Variants in ADAM29 observed in about 807,000 individuals in gnomAD.
The protein encoded by ADAM29 is ADAM metallopeptidase domain 29, also known as disintegrin and metalloproteinase domain-containing protein 29.
For missense variants in ADAM29, 969 were observed against 1,001.8 expected (o/e 0.97, Z 0.44); for synonymous variants, 367 against 342.3 (o/e 1.07, Z -0.80).
At chr4:174,919,811 G>A (rs954943603) in intron 1 of ADAM29, among the ~76,000 whole-genome samples, 5 of 152,246 alleles carry the variant, frequency 3.3e-5, no homozygotes, top group Non-Finnish European at 4.4e-5. Flanking sequence ...CCTTTTCTGT[G>A]TTACATAATC....
intron 4 of ADAM29, among the ~76,000 whole-genome samples, chr4:174,950,337 C>T (rs1164275372): frequency 6.6e-6 from 1 of 152,164 alleles, no homozygotes; most frequent in Non-Finnish European, 1.5e-5. Context: ...GCATTCAACA[C>T]TAATCTTTTC....
rs766510344 is a variant in ADAM29 at position 174,977,686 on chromosome 4, A to T, written c.2161A>T (p.Ile721Phe). 5.0e-6 allele frequency: 8 copies of T among 1,614,154 alleles called. No homozygotes were observed. The highest frequency in any genetic ancestry group is 5.9e-6 in the Non-Finnish European group (7 of 1,180,058). Reference sequence around the variant, plus strand: ...TCCATCTGCAAAAGAAGAGGAAAAAATTCAGCGTCGACCTCATGAGTTACC... The same window carrying T: ...TCCATCTGCAAAAGAAGAGGAAAAATTTCAGCGTCGACCTCATGAGTTACC... The part of the protein sequence containing the change: ...QTPSAKEEEK[I>F]QRRPHELPPQ... Residue 721 changes from isoleucine (I) to phenylalanine (F), a missense_variant, in exon 5 of 5, where the codon ATT (isoleucine) becomes TTT (phenylalanine). By Grantham distance (21) the Ile-to-Phe change is conservative. Coordinates refer to ENST00000359240, the MANE Select transcript of ADAM29 (RefSeq NM_014269.4).
chr4:174,928,506 G>A (rs552336855), intron 2 of ADAM29, among the ~76,000 whole-genome samples: 151 of 149,002 alleles, frequency 1.0e-3, no homozygotes, highest in African/African-American at 3.4e-3. Flanking sequence ...GGAAGGGAGG[G>A]GGAACAGTCT....
At chr4:174,932,111 A>T (rs1034488555) in intron 3 of ADAM29, among the ~76,000 whole-genome samples, 4 of 152,140 alleles carry the variant, frequency 2.6e-5, no homozygotes, top group Admixed American at 2.6e-4. Flanking sequence ...TAACATGGTG[A>T]AAACCAGCTC....
chr4:174,924,785 T>C (rs939221625), intron 2 of ADAM29, among the ~76,000 whole-genome samples: 5 of 152,214 alleles, frequency 3.3e-5, no homozygotes, highest in Non-Finnish European at 7.3e-5. Flanking sequence ...AAGACTATTG[T>C]ATGTTAGGAG....
intron 4 of ADAM29, among the ~76,000 whole-genome samples, chr4:174,947,578 T>A (rs192317425): frequency 7.0e-4 from 106 of 152,362 alleles, no homozygotes; most frequent in African/African-American, 2.4e-3. Context: ...ACTATTGATT[T>A]CTATTTTTAT....
At chr4:174,942,653 C>G (rs1579033352) in intron 4 of ADAM29, among the ~76,000 whole-genome samples, 1 of 152,252 alleles carries the variant, frequency 6.6e-6, no homozygotes, top group East Asian at 1.9e-4. Context: ...CCATTTTTCC[C>G]TCCTAGGCTT....
intron 4 of ADAM29, among the ~76,000 whole-genome samples, chr4:174,973,371 A>G (rs1463830254): frequency 6.6e-6 from 1 of 152,140 alleles, no homozygotes; most frequent in Non-Finnish European, 1.5e-5. Flanking sequence ...CTCCACTGAG[A>G]GGATGTTCTG....
chr4:174,958,918 C>G (rs905601279), intron 4 of ADAM29, among the ~76,000 whole-genome samples: 5 of 151,856 alleles, frequency 3.3e-5, no homozygotes, highest in African/African-American at 7.2e-5. Flanking sequence ...ATTCTCCCTT[C>G]TGTCGCTTCT....
intron 2 of ADAM29, among the ~76,000 whole-genome samples, chr4:174,925,659 T>C (rs909587756): frequency 2.0e-5 from 3 of 152,176 alleles, no homozygotes; most frequent in African/African-American, 4.8e-5. Flanking sequence ...ATAACTCTTA[T>C]ACTTGAGCCA....
rs114632548 is a variant in ADAM29 at position 174,976,448 on chromosome 4, C to T, written c.923C>T (p.Thr308Ile). Residue 308 changes from threonine to isoleucine, a missense_variant, in exon 5 of 5, where the codon ACA (threonine) becomes ATA (isoleucine). Transcript: ENST00000359240. ...ATAGGAGCTTTTAGAGGAATGTGTA[C>T]ACCACACCGTAGTTGTGCAATTGTT... ...SGIGAFRGMC[T>I]PHRSCAIVTF... 3.1e-4 allele frequency: 492 copies of T among 1,607,280 alleles called. 1 individual carries two copies. Among genetic ancestry groups the T allele is most frequent in the African/African-American group, 3.0e-3 (222 of 74,882 alleles).
chr4:174,928,602 G>T (rs997473308), intron 2 of ADAM29, among the ~76,000 whole-genome samples: 1 of 148,934 alleles, frequency 6.7e-6, no homozygotes, highest in Non-Finnish European at 1.5e-5. Context: ...AGAGTTGACA[G>T]GCAAAGACAA....
rs1746929889 is a variant in ADAM29 at position 174,977,601 on chromosome 4, T to C, written c.2076T>C (p.Cys692=). 1 of 1,613,872 alleles carries C rather than the reference T, an allele frequency of 6.2e-7. No individual in the cohort carries two copies. The highest frequency in any genetic ancestry group is 1.3e-5 in the African/African-American group (1 of 74,990). Residue 692 remains cysteine (C), a synonymous_variant, in exon 5 of 5, where the codon TGT becomes TGC. Transcript: ENST00000359240. ...LLLIVLFILL[C]CLYRLCKKSK... ...TTATTGTTTTGTTTATTTTATTATGTTGTCTTTATCGACTTTGTAAAAAAA... is the reference window on the plus strand; with the variant it reads ...TTATTGTTTTGTTTATTTTATTATGCTGTCTTTATCGACTTTGTAAAAAAA...
At chr4:174,966,128 C>T (rs867149756) in intron 4 of ADAM29, among the ~76,000 whole-genome samples, 38 of 152,124 alleles carry the variant, frequency 2.5e-4, no homozygotes, top group African/African-American at 9.2e-4. Context: ...AATGTAAGTG[C>T]TGTGTAAATA....
At chr4:174,952,690 T>A (rs1202772852) in intron 4 of ADAM29, among the ~76,000 whole-genome samples, 1 of 151,688 alleles carries the variant, frequency 6.6e-6, no homozygotes, top group Non-Finnish European at 1.5e-5. Context: ...TATCCGTACA[T>A]GTGTTTCTGG....
At position 174,977,642 on chromosome 4, in the gene ADAM29, A is replaced by G. The variant is rs748102993; in HGVS notation, c.2117A>G (p.Lys706Arg). Reference protein sequence around the residue: ...RLCKKSKPIKKQQDVQTPSAK... With the variant: ...RLCKKSKPIKRQQDVQTPSAK... ...TGTAAAAAAAGTAAACCAATAAAAA[A>G]GCAGCAAGATGTTCAAACTCCATCT... Residue 706 changes from lysine to arginine, a missense_variant, in exon 5 of 5, where the codon AAG becomes AGG. Transcript: ENST00000359240. 6.2e-7 allele frequency: 1 copy of G among 1,614,146 alleles called. No homozygotes were observed. Among genetic ancestry groups the G allele is most frequent in the South Asian group, 1.1e-5 (1 of 91,082 alleles).
At chr4:174,922,458 G>C (rs943239588) in intron 2 of ADAM29, among the ~76,000 whole-genome samples, 1 of 152,098 alleles carries the variant, frequency 6.6e-6, no homozygotes, top group African/African-American at 2.4e-5. Context: ...CCATAAACTG[G>C]TAGTAACATT....
chr4:174,956,075 C>T (rs1745481700), intron 4 of ADAM29, among the ~76,000 whole-genome samples: 1 of 152,030 alleles, frequency 6.6e-6, no homozygotes, highest in Admixed American at 6.6e-5. Flanking sequence ...TGCTATATGG[C>T]CAGTTATCTC....
In ADAM29 at chr4:174,975,635, T is replaced by C. The variant is rs866510037; in HGVS notation, c.110T>C (p.Val37Ala). The C allele has an allele frequency of 2.5e-6, 4 of 1,612,834 alleles. No individual in the cohort carries two copies. In the Middle Eastern group the frequency reaches 5.0e-4, roughly 200 times the overall value. Reference protein sequence around the residue: ...YHSPPDVVIPVRITGTTRGMT... With the variant: ...YHSPPDVVIPARITGTTRGMT... ...AGCCCTCCGGATGTGGTGATTCCTG[T>C]GAGGATAACTGGCACCACCAGAGGC... Residue 37 changes from valine to alanine, a missense_variant, in exon 5 of 5, where the codon GTG (valine) becomes GCG (alanine). Transcript: ENST00000359240.
Sources: allele counts gnomAD v4.1 joint callset (sites outside exome capture counted in the v4.1 genomes callset), GRCh38; gene constraint gnomAD v4.1.1; transcripts MANE v1.5; gene names NCBI Gene and HGNC (gene_info 2026-07-23, HGNC 2026-07-21).